The following KITLG variants were observed in gnomAD, a reference collection of about 807,000 sequenced individuals.
The protein encoded by KITLG is KIT ligand.
A neutral mutation model predicts 34.1 loss-of-function variants in KITLG; 13 were observed. The observed-to-expected ratio is 0.38, with a 90% confidence interval of 0.25 to 0.61. KITLG has a LOEUF of 0.61. Ranked by LOEUF, KITLG falls within the 20% of genes least tolerant of loss-of-function variation. KITLG has a pLI of 0.60. For missense variants in KITLG, 292 were observed against 318.9 expected, an observed-to-expected ratio of 0.92 and a Z score of 0.64; for synonymous variants, 110 against 104.0, an observed-to-expected ratio of 1.06 and a Z score of -0.35.
chr12:88,566,703 G>A (rs1592587791), intron 1 of KITLG, among the ~76,000 whole-genome samples: 2 of 152,218 alleles, frequency 1.3e-5, no homozygotes, highest in South Asian at 4.1e-4. Flanking sequence ...CCAAACCACA[G>A]AGGACCTTGT....
chr12:88,497,676 C>A (rs906639), intron 9 of KITLG, among the ~76,000 whole-genome samples: 1 of 152,016 alleles, frequency 6.6e-6, no homozygotes, highest in Non-Finnish European at 1.5e-5. Context: ...GAAGGATTGA[C>A]GAACAAAGTG....
chr12:88,571,489 A>G (rs1337731587), intron 1 of KITLG, among the ~76,000 whole-genome samples: 2 of 152,230 alleles, frequency 1.3e-5, no homozygotes, highest in Non-Finnish European at 2.9e-5. Flanking sequence ...TTCACTGAAA[A>G]TTAATGCTGT....
chr12:88,576,335 C>T (rs981155002), intron 1 of KITLG, among the ~76,000 whole-genome samples: 7 of 152,086 alleles, frequency 4.6e-5, no homozygotes, highest in Non-Finnish European at 7.4e-5. Context: ...GTCACCAAAT[C>T]GACAGACGTA....
Position 88,497,090 on chromosome 12 carries a change from G to A in KITLG, c.*129C>T, listed in dbSNP as rs1472556960. ...ATCCATATAAAGTCATGGGTAGCAAGAACAGATAAAGATGTGGTCTGTCAC... is the reference window on the plus strand; with the variant it reads ...ATCCATATAAAGTCATGGGTAGCAAAAACAGATAAAGATGTGGTCTGTCAC... On this transcript the variant is annotated 3_prime_UTR_variant, in exon 10 of 10. Coordinates refer to ENST00000644744, the MANE Select transcript of KITLG (RefSeq NM_000899.5). The A allele has an allele frequency of 2.4e-6, 1 of 425,032 alleles. No homozygotes were observed. The highest frequency in any genetic ancestry group is 4.7e-6 in the Non-Finnish European group (1 of 213,974). 26.3% of individuals were successfully genotyped at this position (425,032 alleles called of 1,614,324 possible).
intron 2 of KITLG, among the ~76,000 whole-genome samples, chr12:88,542,627 AATACACACACACAC>A (rs1870557941): frequency 6.6e-6 from 1 of 151,942 alleles, no homozygotes; most frequent in Non-Finnish European, 1.5e-5. Flanking sequence ...CAAACATTAA[AATACACACACACAC>A]ATGCACACAC....
At chr12:88,556,158 C>A (rs1429140035) in intron 1 of KITLG, among the ~76,000 whole-genome samples, 1 of 145,880 alleles carries the variant, frequency 6.9e-6, no homozygotes, top group Non-Finnish European at 1.5e-5. Flanking sequence ...GGAAACAAGG[C>A]ATGTTCTTAG....
chr12:88,530,127 CT>C (rs1381061892), intron 3 of KITLG, among the ~76,000 whole-genome samples: 2 of 152,168 alleles, frequency 1.3e-5, no homozygotes, highest in Non-Finnish European at 2.9e-5. Flanking sequence ...AGCAGGTTAT[CT>C]TTGGGTGCTT....
At chr12:88,545,462 G>C (rs1206255986) in intron 2 of KITLG, among the ~76,000 whole-genome samples, 2 of 152,170 alleles carry the variant, frequency 1.3e-5, no homozygotes, top group African/African-American at 4.8e-5. Context: ...TCAGCACACA[G>C]CGAACTCTCC....
At chr12:88,514,321 T>C (rs940135580) in intron 6 of KITLG, among the ~76,000 whole-genome samples, 61 of 151,672 alleles carry the variant, frequency 4.0e-4, no homozygotes, top group African/African-American at 1.4e-3. Context: ...TAATAAAGAT[T>C]AGAAATCAAT....
intron 1 of KITLG, chr12:88,579,978 A>G: frequency 1.7e-6 from 1 of 580,188 alleles, no homozygotes; most frequent in Non-Finnish European, 3.1e-6. Flanking sequence ...CAATCTTTCC[A>G]CCAGACGGGA....
chr12:88,561,251 A>G (rs1871290366), intron 1 of KITLG, among the ~76,000 whole-genome samples: 1 of 152,144 alleles, frequency 6.6e-6, no homozygotes, highest in East Asian at 1.9e-4. Flanking sequence ...TTAGTATAGT[A>G]CCTGTCAAAT....
At chr12:88,503,921 T>C (rs1383090675) in intron 9 of KITLG, among the ~76,000 whole-genome samples, 1 of 152,166 alleles carries the variant, frequency 6.6e-6, no homozygotes, top group Non-Finnish European at 1.5e-5. Context: ...CAGGGAAACA[T>C]TCTGGTTTTC....
At chr12:88,559,413 T>C (rs1035128386) in intron 1 of KITLG, among the ~76,000 whole-genome samples, 4 of 152,308 alleles carry the variant, frequency 2.6e-5, no homozygotes, top group South Asian at 2.1e-4. Flanking sequence ...GGCCGCAACA[T>C]ATTTACAGAC....
chr12:88,556,236 C>T (rs1871094883), intron 1 of KITLG, among the ~76,000 whole-genome samples: 1 of 132,968 alleles, frequency 7.5e-6, no homozygotes, highest in Admixed American at 7.6e-5. Flanking sequence ...AAAAAAAAGG[C>T]AAGGCTAGAG....
chr12:88,532,524 ATTCCAT>A, intron 2 of KITLG, 21 bp from the exon 3 acceptor site: 1 of 1,542,068 alleles, frequency 6.5e-7, no homozygotes, highest in Non-Finnish European at 8.9e-7. Flanking sequence ...AAAAAAAAAA[ATTCCAT>A]AAGAAAATTC....
At chr12:88,536,845 GC>G (rs1870337358) in intron 2 of KITLG, among the ~76,000 whole-genome samples, 1 of 152,086 alleles carries the variant, frequency 6.6e-6, no homozygotes. Context: ...GTATTGGGGG[GC>G]TAGGCGAAGG....
intron 3 of KITLG, among the ~76,000 whole-genome samples, chr12:88,522,702 A>G (rs1020337791): frequency 3.9e-5 from 6 of 152,136 alleles, no homozygotes; most frequent in Non-Finnish European, 7.3e-5. Flanking sequence ...TGCTGGGATT[A>G]CAGGAGTGAG....
In KITLG at chr12:88,518,800, T is replaced by A. The variant is rs1207139148; in HGVS notation, c.260A>T (p.Lys87Met). Residue 87 changes from lysine to methionine, a missense_variant, in exon 4 of 10, where the codon AAG becomes ATG. Physicochemically the swap from Lys to Met is moderately conservative, Grantham distance 95. This residue lies in a region of KITLG where 152 missense variants were observed against 207.9 expected (regional missense o/e 0.73). Coordinates refer to ENST00000644744, the MANE Select transcript of KITLG (RefSeq NM_000899.5). ...LSDSLTDLLD[K>M]FSNISEGLSN... ...CAAGCCTTCAGAAATATTTGAAAAC[T>A]TGTCCAGAAGATCAGTCAAGCTGTC... The A allele has an allele frequency of 6.2e-7, 1 of 1,613,490 alleles. No homozygotes were observed. Among genetic ancestry groups the A allele is most frequent in the African/African-American group, 1.3e-5 (1 of 74,904 alleles).
intron 1 of KITLG, among the ~76,000 whole-genome samples, chr12:88,573,007 A>G (rs1489000465): frequency 1.3e-5 from 2 of 152,202 alleles, no homozygotes; most frequent in Non-Finnish European, 1.5e-5. Flanking sequence ...TTGTTCATCA[A>G]AAAAGGAAAT....
Sources: allele counts gnomAD v4.1 joint callset (sites outside exome capture counted in the v4.1 genomes callset), GRCh38; gene constraint gnomAD v4.1.1; regional missense constraint gnomAD v4.1.1; transcripts MANE v1.5; gene names NCBI Gene and HGNC (gene_info 2026-07-23, HGNC 2026-07-21).